RIOX2: variants seen among roughly 807,000 people sequenced by gnomAD.
RIOX2 encodes ribosomal oxygenase 2, also known as 60S ribosomal protein L27a histidine hydroxylase.
RIOX2 carries 43 observed loss-of-function variants against 51.2 expected under a neutral mutation model. That is an observed-to-expected ratio of 0.84 (90% confidence interval 0.66 to 1.08). The LOEUF (loss-of-function observed/expected upper bound fraction) is 1.08, where lower values mean the gene tolerates loss of function less well. RIOX2 is among the 50% of genes least tolerant of loss of function. The pLI is 0.00. For missense variants in RIOX2, 566 were observed against 561.7 expected (o/e 1.01, Z -0.08); for synonymous variants, 226 against 218.5 (o/e 1.03, Z -0.30).
chr3:97,945,104 C>A lies in RIOX2; in HGVS notation c.*80G>T, dbSNP rs886765847. 1 of 1,302,840 alleles carries A rather than the reference C, an allele frequency of 7.7e-7. No individual in the cohort carries two copies. The highest frequency in any genetic ancestry group is 1.0e-6 in the Non-Finnish European group (1 of 970,248). The allele number at this position is 1,302,840 out of a possible 1,614,324, so 80.7% of individuals were successfully genotyped here. On this transcript the variant is annotated 3_prime_UTR_variant, in exon 10 of 10. Coordinates refer to ENST00000394198, the MANE Select transcript of RIOX2 (RefSeq NM_153182.4). ...ATACGCAGGTAAGGAAACTTGAATT[C>A]ATCCTCTCCTCGGCTCAGGTCTTTG...
intron 8 of RIOX2, among the ~76,000 whole-genome samples, 192 bp from the exon 9 acceptor site, chr3:97,946,079 T>C (rs1559754598): frequency 6.6e-6 from 1 of 152,098 alleles, no homozygotes; most frequent in South Asian, 2.1e-4. Context: ...ACAATGTCTA[T>C]ACTTCATTAG....
rs755022602 is a variant in RIOX2, at chr3:97,942,151, ATATAG to A, written c.*3028_*3032del. On this transcript the variant is annotated 3_prime_UTR_variant, in exon 10 of 10. Coordinates refer to ENST00000394198, the MANE Select transcript of RIOX2 (RefSeq NM_153182.4). ...AAAAAAGGCTTACTGAAATTATACTATATAGTATTTTTTTAGATAAGACACACACA... is the reference window on the plus strand; with the variant it reads ...AAAAAAGGCTTACTGAAATTATACTATATTTTTTTAGATAAGACACACACA... 484 of 659,448 alleles carry A rather than the reference ATATAG, an allele frequency of 7.3e-4. No homozygotes were observed. Among genetic ancestry groups the A allele is most frequent in the Admixed American group, 1.4e-3 (41 of 29,440 alleles). 40.8% of individuals were successfully genotyped at this position (659,448 alleles called of 1,614,324 possible).
chr3:97,943,351 C>A lies in RIOX2; in HGVS notation c.*1833G>T. On this transcript the variant is annotated 3_prime_UTR_variant, in exon 10 of 10. Coordinates refer to ENST00000394198, the MANE Select transcript of RIOX2 (RefSeq NM_153182.4). Reference sequence around the variant, plus strand: ...TCCCTAGAAAGATCCCTAGAAAGAGCAAAGAAGGAAACACATCTGTCATTG... The same window carrying A: ...TCCCTAGAAAGATCCCTAGAAAGAGAAAAGAAGGAAACACATCTGTCATTG... The A allele has an allele frequency of 8.3e-7, 1 of 1,197,974 alleles. No homozygotes were observed. The highest frequency in any genetic ancestry group is 1.2e-6 in the Non-Finnish European group (1 of 809,548). The allele number at this position is 1,197,974 out of a possible 1,614,324, so 74.2% of individuals were successfully genotyped here.
At chr3:97,963,710 C>A (rs1705770115) in intron 2 of RIOX2, among the ~76,000 whole-genome samples, 2 of 152,092 alleles carry the variant, frequency 1.3e-5, no homozygotes, top group East Asian at 1.9e-4. Flanking sequence ...GTTCCCGACC[C>A]AACTATCAGG....
At chr3:97,948,859 G>A (rs766138575) in intron 7 of RIOX2, among the ~76,000 whole-genome samples, 22 of 151,820 alleles carry the variant, frequency 1.4e-4, no homozygotes, top group African/African-American at 2.7e-4. Context: ...ATCCAATTTC[G>A]TCTGAATTCA....
Position 97,954,432 on chromosome 3 carries a change from C to G in RIOX2, c.745G>C (p.Ala249Pro), listed in dbSNP as rs1261576037. The stretch of plus-strand genomic sequence containing the variant: ...CTGATGGTCACGTGAGTAGAGTGGG[C>G]CAGCCCCGCAGGAGTGTCCGCTTGA... ...IHQADTPAGL[A>P]HSTHVTISTY... The change falls in exon 5 of 10, where the codon GCC (alanine) becomes CCC (proline). Residue 249 changes from alanine to proline, a missense_variant. Ala to Pro is a conservative substitution (Grantham distance 27). Transcript: ENST00000394198. The G allele has an allele frequency of 1.2e-6, 2 of 1,613,884 alleles. No individual in the cohort carries two copies. The highest frequency in any genetic ancestry group is 2.7e-5 in the African/African-American group (2 of 74,922).
chr3:97,960,977 G>A (rs1036662980), intron 3 of RIOX2, among the ~76,000 whole-genome samples: 17 of 152,182 alleles, frequency 1.1e-4, no homozygotes, highest in Admixed American at 9.8e-4. Context: ...GCTATCAAAG[G>A]AGAAAAAGGG....
In RIOX2 at chr3:97,943,529, TATG is replaced by T; in HGVS notation, c.*1652_*1654del. ...CTCAGTGTTCCTATAAAGAAAATATTATGATATCTTGGAAAGGTTCTATTCCTG... is the reference window on the plus strand; with the variant it reads ...CTCAGTGTTCCTATAAAGAAAATATTATATCTTGGAAAGGTTCTATTCCTG... On this transcript the variant is annotated 3_prime_UTR_variant, in exon 10 of 10. Transcript: ENST00000394198. 4.0e-6 allele frequency: 2 copies of T among 501,112 alleles called. No individual in the cohort carries two copies. Among genetic ancestry groups the T allele is most frequent in the South Asian group, 5.4e-5 (2 of 37,182 alleles). 31.0% of individuals were successfully genotyped at this position (501,112 alleles called of 1,614,324 possible).
chr3:97,967,485 T>C lies in RIOX2; in HGVS notation c.109A>G (p.Ser37Gly). 6.2e-7 allele frequency: 1 copy of C among 1,614,208 alleles called. No individual in the cohort carries two copies. Among genetic ancestry groups the C allele is most frequent in the Non-Finnish European group, 8.5e-7 (1 of 1,180,038 alleles). ...AAACTTTCAAAGAGACTACTGGGAC[T>C]GTCAAAGTTTAAAGCTGAAGGCCCC... ...AGGPSALNFD[S>G]PSSLFESLIS... The change falls in exon 2 of 10, where the codon AGT becomes GGT. Residue 37 changes from serine (S) to glycine (G), a missense_variant. Physicochemically the swap from Ser to Gly is moderately conservative, Grantham distance 56. Coordinates refer to ENST00000394198, the MANE Select transcript of RIOX2 (RefSeq NM_153182.4).
At position 97,959,115 on chromosome 3, in the gene RIOX2, G is replaced by A. The variant is rs377481777; in HGVS notation, c.617C>T (p.Ala206Val). 2 of 1,613,816 alleles carry A rather than the reference G, an allele frequency of 1.2e-6. No homozygotes were observed. The highest frequency in any genetic ancestry group is 2.7e-5 in the African/African-American group (2 of 74,870). The change falls in exon 4 of 10, where the codon GCA becomes GTA. Residue 206 changes from alanine (A) to valine (V), a missense_variant. Transcript: ENST00000394198. ...CTCGGCCTCCACGCTGTACTCTCGT[G>A]CCAGGGGCACAGTGGGGTGGTAGAG... Reference protein sequence around the residue: ...WRLYHPTVPLAREYSVEAEER... With the variant: ...WRLYHPTVPLVREYSVEAEER...
rs184231407 is a variant in RIOX2, at chr3:97,965,796, C to T, written c.432+1366G>A. Among the ~76,000 whole-genome samples the T allele has an allele frequency of 2.1e-3, 325 of 152,322 alleles. 1 individual carries two copies. The highest frequency in any genetic ancestry group is 7.2e-3 in the African/African-American group (299 of 41,568). On this transcript the variant is annotated intron_variant, in intron 2 of 9. Coordinates refer to ENST00000394198, the MANE Select transcript of RIOX2 (RefSeq NM_153182.4). ...TCTGCTGGTCTATGACCAAAGTACA[C>T]GTAATCAAATTCACTGAATTCATTT...
intron 4 of RIOX2, 23 bp downstream of exon 4, chr3:97,959,028 T>TTATCACAATG: frequency 6.3e-7 from 1 of 1,584,496 alleles, no homozygotes; most frequent in East Asian, 2.3e-5. Flanking sequence ...AACAATGAGG[T>TTATCACAATG]GCCCACAACG....
At position 97,967,478 on chromosome 3, in the gene RIOX2, C is replaced by T. The variant is rs1705937800; in HGVS notation, c.116G>A (p.Ser39Asn). 1 of 1,614,178 alleles carries T rather than the reference C, an allele frequency of 6.2e-7. No individual in the cohort carries two copies. Among genetic ancestry groups the T allele is most frequent in the East Asian group, 2.2e-5 (1 of 44,878 alleles). The change falls in exon 2 of 10, where the codon AGT becomes AAT. Residue 39 changes from serine to asparagine, a missense_variant. Coordinates refer to ENST00000394198, the MANE Select transcript of RIOX2 (RefSeq NM_153182.4). ...CGAGATTAAACTTTCAAAGAGACTA[C>T]TGGGACTGTCAAAGTTTAAAGCTGA... ...GPSALNFDSP[S>N]SLFESLISPI...
At chr3:97,949,676 T>C (rs1705164464) in intron 7 of RIOX2, among the ~76,000 whole-genome samples, 168 bp downstream of exon 7, 1 of 152,048 alleles carries the variant, frequency 6.6e-6, no homozygotes, top group Admixed American at 6.6e-5. Flanking sequence ...TTGCTAAAGG[T>C]TGAGTGCAGC....
At position 97,967,476 on chromosome 3, in the gene RIOX2, T is replaced by G. The variant is rs1476393996; in HGVS notation, c.118A>C (p.Ser40Arg). 3.7e-6 allele frequency: 6 copies of G among 1,614,178 alleles called. No individual in the cohort carries two copies. In the South Asian group the frequency reaches 6.6e-5, roughly 18 times the overall value. ...PSALNFDSPS[S>R]LFESLISPIK... Reference sequence around the variant, plus strand: ...GGCGAGATTAAACTTTCAAAGAGACTACTGGGACTGTCAAAGTTTAAAGCT... The same window carrying G: ...GGCGAGATTAAACTTTCAAAGAGACGACTGGGACTGTCAAAGTTTAAAGCT... The change falls in exon 2 of 10, where the codon AGT becomes CGT. Residue 40 changes from serine (S) to arginine (R), a missense_variant. Coordinates refer to ENST00000394198, the MANE Select transcript of RIOX2 (RefSeq NM_153182.4).
chr3:97,962,265 C>T (rs879686698), intron 2 of RIOX2, among the ~76,000 whole-genome samples: 13 of 150,242 alleles, frequency 8.7e-5, no homozygotes, highest in Admixed American at 2.0e-4. Flanking sequence ...CCCCTTTCCA[C>T]GTAACGAGAT....
chr3:97,954,336 C>T (rs1576002249), intron 5 of RIOX2, 56 bp downstream of exon 5: 1 of 1,319,098 alleles, frequency 7.6e-7, no homozygotes, highest in Admixed American at 1.7e-5. Flanking sequence ...AATGTGGCTG[C>T]TGCAGGCCAG....
intron 6 of RIOX2, 81 bp downstream of exon 6, chr3:97,950,705 T>C (rs1297022932): frequency 2.8e-6 from 3 of 1,076,658 alleles, no homozygotes; most frequent in Admixed American, 3.4e-5. Flanking sequence ...GGAAGAAGTA[T>C]CCTGGGGTCC....
At chr3:97,957,487 CTCTG>C (rs367766978) in intron 4 of RIOX2, among the ~76,000 whole-genome samples, 15 of 106,280 alleles carry the variant, frequency 1.4e-4, no homozygotes, top group African/African-American at 4.5e-4. Context: ...CAGGGTGAGA[CTCTG>C]TCTTAAAAAA....
Sources: gnomAD v4.1 joint callset for allele counts (sites outside exome capture counted in the v4.1 genomes callset) on GRCh38, gnomAD v4.1.1 for gene constraint, MANE v1.5 for transcripts, NCBI Gene and HGNC (gene_info 2026-07-23, HGNC 2026-07-21) for gene names.